Variants in SPACA9 observed in about 807,000 individuals in gnomAD.
SPACA9 encodes sperm acrosome-associated protein 9.
In SPACA9, 14 loss-of-function variants were observed where a neutral mutation model predicts 12.5. The observed-to-expected ratio is 1.12, with a 90% confidence interval of 0.74 to 1.75. The LOEUF (loss-of-function observed/expected upper bound fraction) is 1.75. SPACA9 is among the 40% of genes most tolerant of loss of function. The probability of loss-of-function intolerance (pLI) is 0.00; values close to 1 mark genes in which losing one functional copy is unlikely to be tolerated. For synonymous variants in SPACA9, 111 were observed against 114.1 expected, an observed-to-expected ratio of 0.97 and a Z score of 0.17; for missense variants, 292 against 291.9, an observed-to-expected ratio of 1.00 and a Z score of 0.00.
chr9:132,881,373 C>A (rs1020973415), intron 1 of SPACA9, among the ~76,000 whole-genome samples: 3 of 148,566 alleles, frequency 2.0e-5, no homozygotes, highest in Admixed American at 6.7e-5. Flanking sequence ...GAGGCTGAGG[C>A]GGGAGGATCA....
chr9:132,886,742 T>C (rs990126669), intron 2 of SPACA9, among the ~76,000 whole-genome samples: 2 of 152,186 alleles, frequency 1.3e-5, no homozygotes, highest in African/African-American at 4.8e-5. Flanking sequence ...TAAAGCATTT[T>C]GCATGGTGCC....
intron 1 of SPACA9, 73 bp downstream of exon 1, chr9:132,879,087 G>C (rs976988753): frequency 6.6e-6 from 1 of 152,444 alleles, no homozygotes; most frequent in African/African-American, 2.4e-5. Context: ...TGGAAGCTGG[G>C]GTGGAGGATG....
intron 1 of SPACA9, 90 bp from the exon 2 acceptor site, chr9:132,883,821 G>A: frequency 1.9e-6 from 2 of 1,031,150 alleles, no homozygotes; most frequent in Non-Finnish European, 3.0e-6. Flanking sequence ...GGGGCCATGG[G>A]TATCCCTCTC....
In SPACA9 at chr9:132,889,162, TGG is replaced by T; in HGVS notation, c.*552_*553del. 5 of 990,178 alleles carry T rather than the reference TGG, an allele frequency of 5.0e-6. No homozygotes were observed. The highest frequency in any genetic ancestry group is 6.0e-6 in the Non-Finnish European group (5 of 832,714). The allele number at this position is 990,178 out of a possible 1,614,324, so 61.3% of individuals were successfully genotyped here. The stretch of plus-strand genomic sequence containing the variant: ...ACTTACAGAAGTTGCCCAAACAGGA[TGG>T]TGTGGTAGAGGGTCCCAGGAGGGCA... On this transcript the variant is annotated 3_prime_UTR_variant, in exon 4 of 4. Transcript: ENST00000356311.
Position 132,889,979 on chromosome 9 carries a change from ATTG to A in SPACA9, c.*1372_*1374del. On this transcript the variant is annotated 3_prime_UTR_variant, in exon 4 of 4. Coordinates refer to ENST00000356311, the MANE Select transcript of SPACA9 (RefSeq NM_001316897.2). Reference sequence around the variant, plus strand: ...CAGGGGACGACTTAGCTTCTGTATTATTGTTGCTTCCTCAGGGGGAGACAGTCA... The same window carrying A: ...CAGGGGACGACTTAGCTTCTGTATTATTGCTTCCTCAGGGGGAGACAGTCA... 1 of 1,517,082 alleles carries A rather than the reference ATTG, an allele frequency of 6.6e-7. No homozygotes were observed. 94.0% of individuals were successfully genotyped at this position (1,517,082 alleles called of 1,614,324 possible).
chr9:132,887,252 C>T lies in SPACA9; in HGVS notation c.145-117C>T. The T allele has an allele frequency of 1.2e-6, 1 of 840,962 alleles. No individual in the cohort carries two copies. Among genetic ancestry groups the T allele is most frequent in the Non-Finnish European group, 2.0e-6 (1 of 511,568 alleles). 52.1% of individuals were successfully genotyped at this position (840,962 alleles called of 1,614,324 possible). ...ATGCTTAAGCGTTACTTGCGTCTCC[C>T]CCATGAGTCATGTAGGGTGGGAGGG... On this transcript the variant is annotated intron_variant, in intron 2 of 3. Coordinates refer to ENST00000356311, the MANE Select transcript of SPACA9 (RefSeq NM_001316897.2). This position sits in a 1 kb window ranked among gnomAD's most constrained non-coding sequence, Gnocchi z 5.4.
At chr9:132,879,559 T>G (rs1204646909) in intron 1 of SPACA9, among the ~76,000 whole-genome samples, 8 of 152,174 alleles carry the variant, frequency 5.3e-5, no homozygotes, top group Non-Finnish European at 1.5e-5. Flanking sequence ...GGGGCTACTA[T>G]TAGTAGTAGT....
rs1185060280 is a variant in SPACA9 at position 132,888,627 on chromosome 9, T to TC, written c.*18dup. The TC allele has an allele frequency of 1.3e-6, 2 of 1,514,056 alleles. No individual in the cohort carries two copies. Among genetic ancestry groups the TC allele is most frequent in the African/African-American group, 2.8e-5 (2 of 71,440 alleles). 93.8% of individuals were successfully genotyped at this position (1,514,056 alleles called of 1,614,324 possible). ...GAAATTGTAACTCAGAGCCAGGAGCTCCGTCGGCGGAGAGCTTTGCTGTTT... is the reference window on the plus strand; with the variant it reads ...GAAATTGTAACTCAGAGCCAGGAGCTCCCGTCGGCGGAGAGCTTTGCTGTTT... On this transcript the variant is annotated 3_prime_UTR_variant, in exon 4 of 4. Transcript: ENST00000356311. The surrounding 1 kb of genome is among the most constrained non-coding windows in gnomAD (Gnocchi z 5.0).
chr9:132,879,523 T>A (rs1249798958), intron 1 of SPACA9, among the ~76,000 whole-genome samples: 1 of 152,178 alleles, frequency 6.6e-6, no homozygotes, highest in Non-Finnish European at 1.5e-5. Context: ...GGAGAGTAAT[T>A]GGCATGCAGT....
chr9:132,885,776 C>T (rs1844548422), intron 2 of SPACA9, among the ~76,000 whole-genome samples: 1 of 152,216 alleles, frequency 6.6e-6, no homozygotes, highest in Admixed American at 6.5e-5. Context: ...AATCTACATC[C>T]ATGCATAAGG....
At chr9:132,883,798 C>T (rs573105792) in intron 1 of SPACA9, 113 bp from the exon 2 acceptor site, 164 of 804,374 alleles carry the variant, frequency 2.0e-4, no homozygotes, top group East Asian at 2.0e-3. Context: ...ACTCACAAGG[C>T]GCTCCAGTGA....
rs772928702 is a variant in SPACA9 at position 132,888,243 on chromosome 9, G to T, written c.348-47G>T. 6.4e-7 allele frequency: 1 copy of T among 1,556,510 alleles called. No individual in the cohort carries two copies. The highest frequency in any genetic ancestry group is 1.8e-5 in the Admixed American group (1 of 54,134). On this transcript the variant is annotated intron_variant, in intron 3 of 3. Transcript: ENST00000356311. This position sits in a 1 kb window ranked among gnomAD's most constrained non-coding sequence, Gnocchi z 5.0. ...TGTGGCAGCTGCTTGCCACGGCATGGCAAGTCCCGGGAGCATGGGTTCACC... is the reference window on the plus strand; with the variant it reads ...TGTGGCAGCTGCTTGCCACGGCATGTCAAGTCCCGGGAGCATGGGTTCACC...
rs771156409 is a variant in SPACA9, at chr9:132,887,497, A to G, written c.273A>G (p.Pro91=). Residue 91 remains proline (P), a synonymous_variant, in exon 3 of 4, where the codon CCA becomes CCG. Coordinates refer to ENST00000356311, the MANE Select transcript of SPACA9 (RefSeq NM_001316897.2). The surrounding 1 kb of genome is among the most constrained non-coding windows in gnomAD (Gnocchi z 5.4). ...QHFEAVHSGT[P]VTNNLLEKCK... is the part of the protein sequence containing the mutation. Reference sequence around the variant, plus strand: ...TTGAGGCCGTGCACTCTGGCACCCCAGTCACCAACAACCTCCTGGAGAAAT... The same window carrying G: ...TTGAGGCCGTGCACTCTGGCACCCCGGTCACCAACAACCTCCTGGAGAAAT... The G allele has an allele frequency of 6.2e-7, 1 of 1,614,160 alleles. No individual in the cohort carries two copies. The highest frequency in any genetic ancestry group is 8.5e-7 in the Non-Finnish European group (1 of 1,180,042).
At chr9:132,890,140 G>C, downstream of SPACA9, 1 of 628,184 alleles carries the variant, frequency 1.6e-6, no homozygotes, top group East Asian at 3.4e-5. Flanking sequence ...CAGAGAGAGA[G>C]GCCACCCTAG....
In SPACA9 at chr9:132,888,167, G is replaced by T; in HGVS notation, c.348-123G>T. On this transcript the variant is annotated intron_variant, in intron 3 of 3. Coordinates refer to ENST00000356311, the MANE Select transcript of SPACA9 (RefSeq NM_001316897.2). The surrounding 1 kb of genome is among the most constrained non-coding windows in gnomAD (Gnocchi z 5.0). ...CTCTGGGGACAGAGCGCCTCAGCGTGCTGTGTGTCCAGTTCTAAAGCCTCC... is the reference window on the plus strand; with the variant it reads ...CTCTGGGGACAGAGCGCCTCAGCGTTCTGTGTGTCCAGTTCTAAAGCCTCC... The T allele has an allele frequency of 6.9e-7, 1 of 1,455,170 alleles. No individual in the cohort carries two copies. The highest frequency in any genetic ancestry group is 9.2e-7 in the Non-Finnish European group (1 of 1,089,548). 90.1% of individuals were successfully genotyped at this position (1,455,170 alleles called of 1,614,324 possible). A position where few individuals can be genotyped will look rare whatever the true frequency, so the allele number is the denominator to read the frequency against.
chr9:132,882,786 G>A (rs1288666025), intron 1 of SPACA9, among the ~76,000 whole-genome samples: 1 of 152,074 alleles, frequency 6.6e-6, no homozygotes, highest in African/African-American at 2.4e-5. Flanking sequence ...GTGGTGACAC[G>A]TTCGAGCCTG....
Position 132,888,348 on chromosome 9 carries a change from G to A in SPACA9, c.406G>A (p.Gly136Ser), listed in dbSNP as rs769359985. ...SCDEARNHYG[G>S]VVSLIPLILD... ...TGACGAGGCCCGGAACCACTACGGC[G>A]GCGTGGTCAGCCTCATCCCCCTCAT... Residue 136 changes from glycine to serine, a missense_variant, in exon 4 of 4, where the codon GGC becomes AGC. Physicochemically the swap from Gly to Ser is moderately conservative, Grantham distance 56. Transcript: ENST00000356311. This position sits in a 1 kb window ranked among gnomAD's most constrained non-coding sequence, Gnocchi z 5.0. 42 of 1,613,974 alleles carry A rather than the reference G, an allele frequency of 2.6e-5. No homozygotes were observed. The highest frequency in any genetic ancestry group is 2.9e-5 in the Non-Finnish European group (34 of 1,180,030).
intron 1 of SPACA9, among the ~76,000 whole-genome samples, chr9:132,881,340 T>C (rs1490913065): frequency 1.4e-5 from 2 of 143,674 alleles, no homozygotes. Context: ...TGGTGGCACA[T>C]ACCTGAGGTC....
chr9:132,883,617 CAG>C (rs779636022), intron 1 of SPACA9, among the ~76,000 whole-genome samples: 7 of 152,180 alleles, frequency 4.6e-5, no homozygotes, highest in Non-Finnish European at 1.0e-4. Flanking sequence ...TCTGGAGAAA[CAG>C]AACCAGAGAA....
Sources: gnomAD v4.1 joint callset for allele counts (sites outside exome capture counted in the v4.1 genomes callset) on GRCh38, gnomAD v4.1.1 for gene constraint, Gnocchi (gnomAD v3.1) non-coding constraint, MANE v1.5 for transcripts, NCBI Gene and HGNC (gene_info 2026-07-23, HGNC 2026-07-21) for gene names.